Variants in CHST12 observed in about 807,000 individuals in gnomAD.
CHST12 encodes carbohydrate (chondroitin 4) sulfotransferase 12.
In CHST12, 23 loss-of-function variants were observed where a neutral mutation model predicts 27.9. The observed-to-expected ratio is 0.82, with a 90% CI of 0.59 to 1.17. The LOEUF is 1.17. CHST12 is among the 50% of genes most tolerant of loss of function. The probability of loss-of-function intolerance (pLI) is 0.00; values close to 1 mark genes in which losing one functional copy is unlikely to be tolerated. For synonymous variants in CHST12, 322 were observed against 273.0 expected (o/e 1.18, Z -1.77); for missense variants, 682 against 603.0 (o/e 1.13, Z -1.37).
chr7:2,409,144 T>G (rs1261604860), intron 1 of CHST12, among the ~76,000 whole-genome samples: 4 of 152,156 alleles, frequency 2.6e-5, no homozygotes, highest in African/African-American at 9.7e-5. Context: ...ATGATAGTAA[T>G]TTATGTAAAC....
chr7:2,431,111 T>C (rs1562518918), intron 1 of CHST12, among the ~76,000 whole-genome samples: 1 of 152,248 alleles, frequency 6.6e-6, no homozygotes, highest in African/African-American at 2.4e-5. Context: ...GCCATAATTG[T>C]GGATTTGTCT....
At position 2,445,332 on chromosome 7, in the gene CHST12, GAA is replaced by G. The variant is rs1242919922; in HGVS notation, c.*11453_*11454del. 4 of 152,282 alleles carry G rather than the reference GAA, an allele frequency of 2.6e-5. No homozygotes were observed. Among genetic ancestry groups the G allele is most frequent in the Non-Finnish European group, 5.9e-5 (4 of 68,116 alleles). The allele number at this position is 152,282 out of a possible 1,614,324, so 9.4% of individuals were successfully genotyped here. A position where few individuals can be genotyped will look rare whatever the true frequency, so the allele number is the denominator to read the frequency against. Reference sequence around the variant, plus strand: ...TCTGGGTGGATGTTTTGCATCTTCAGAAAAAAGCTCCTGTGGGATATTTCTCC... The same window carrying G: ...TCTGGGTGGATGTTTTGCATCTTCAGAAAAGCTCCTGTGGGATATTTCTCC... On this transcript the variant is annotated 3_prime_UTR_variant, in exon 2 of 2. Transcript: ENST00000618655.
At chr7:2,407,114 G>A (rs1315594144) in intron 1 of CHST12, among the ~76,000 whole-genome samples, 1 of 152,086 alleles carries the variant, frequency 6.6e-6, no homozygotes, top group Non-Finnish European at 1.5e-5. Flanking sequence ...CCCTCAGAAA[G>A]TAGAACAGAA....
intron 1 of CHST12, among the ~76,000 whole-genome samples, chr7:2,425,267 G>A (rs570062437): frequency 6.6e-6 from 1 of 151,092 alleles, no homozygotes; most frequent in African/African-American, 2.4e-5. Context: ...GCCCAGTGAG[G>A]ACCGCGCTTA....
intron 1 of CHST12, among the ~76,000 whole-genome samples, chr7:2,421,075 T>C (rs1205253566): frequency 1.3e-5 from 2 of 151,714 alleles, no homozygotes; most frequent in Non-Finnish European, 2.9e-5. Flanking sequence ...TTTTTTTTTT[T>C]GAGACAGAGT....
intron 1 of CHST12, among the ~76,000 whole-genome samples, chr7:2,426,557 G>T (rs1782126055): frequency 6.6e-6 from 1 of 152,070 alleles, no homozygotes; most frequent in Non-Finnish European, 1.5e-5. Context: ...CGGGTAGACA[G>T]ATGTCCTTGC....
rs1782648535 is a variant in CHST12, at chr7:2,442,813, G to C, written c.*8929G>C. 6.5e-6 allele frequency: 1 copy of C among 152,768 alleles called. No individual in the cohort carries two copies. Among genetic ancestry groups the C allele is most frequent in the Non-Finnish European group, 1.5e-5 (1 of 68,466 alleles). 9.5% of individuals were successfully genotyped at this position (152,768 alleles called of 1,614,324 possible). A position where few individuals can be genotyped will look rare whatever the true frequency, so the allele number is the denominator to read the frequency against. On this transcript the variant is annotated 3_prime_UTR_variant, in exon 2 of 2. Coordinates refer to ENST00000618655, the MANE Select transcript of CHST12 (RefSeq NM_018641.5). ...CCCGCCGGAGCCCCGCCTCCCGTCA[G>C]ATCAGCGGCGGCATTAGATTCTCAT...
chr7:2,412,192 T>C (rs1781684785), intron 1 of CHST12, among the ~76,000 whole-genome samples: 1 of 152,238 alleles, frequency 6.6e-6, no homozygotes, highest in Non-Finnish European at 1.5e-5. Context: ...GGATATACTG[T>C]CAGATATAGT....
At position 2,432,631 on chromosome 7, in the gene CHST12, C is replaced by T. The variant is rs1319666883; in HGVS notation, c.-9C>T. On this transcript the variant is annotated 5_prime_UTR_variant, in exon 2 of 2. Coordinates refer to ENST00000618655, the MANE Select transcript of CHST12 (RefSeq NM_018641.5). ...AGGCCCGGAGAGGGCCCAGCCCGCCCGGGGCAGGATGACCAAGGCCCGGCT... is the reference window on the plus strand; with the variant it reads ...AGGCCCGGAGAGGGCCCAGCCCGCCTGGGGCAGGATGACCAAGGCCCGGCT... 10 of 1,600,660 alleles carry T rather than the reference C, an allele frequency of 6.2e-6. No individual in the cohort carries two copies. Among genetic ancestry groups the T allele is most frequent in the South Asian group, 2.2e-5 (2 of 90,108 alleles).
intron 1 of CHST12, among the ~76,000 whole-genome samples, chr7:2,431,943 T>C (rs1782279041): frequency 6.6e-6 from 1 of 151,980 alleles, no homozygotes; most frequent in East Asian, 1.9e-4. Flanking sequence ...TGGGGTTTGA[T>C]GATTTGCTAG....
In CHST12 at chr7:2,434,405, T is replaced by A. The variant is rs1244673428; in HGVS notation, c.*521T>A. ...AAACCGGTCAGTTACAGAAGCAGGA[T>A]TTCTAGGATTTCTAACTCCAGCTGT... On this transcript the variant is annotated 3_prime_UTR_variant, in exon 2 of 2. Transcript: ENST00000618655. The A allele has an allele frequency of 6.0e-6, 1 of 167,674 alleles. No individual in the cohort carries two copies. The highest frequency in any genetic ancestry group is 1.5e-5 in the Non-Finnish European group (1 of 68,826). The allele number at this position is 167,674 out of a possible 1,614,324, so 10.4% of individuals were successfully genotyped here.
intron 1 of CHST12, among the ~76,000 whole-genome samples, chr7:2,411,351 G>T (rs1008006679): frequency 6.6e-6 from 1 of 152,106 alleles, no homozygotes; most frequent in African/African-American, 2.4e-5. Flanking sequence ...TAAAGTGTTG[G>T]GATTACAGGC....
chr7:2,431,938 T>A (rs1338873763), intron 1 of CHST12, among the ~76,000 whole-genome samples: 4 of 150,800 alleles, frequency 2.7e-5, no homozygotes, highest in African/African-American at 9.7e-5. Flanking sequence ...CACTGTGGGG[T>A]TTGATGATTT....
chr7:2,431,762 C>A (rs1782274627), intron 1 of CHST12, among the ~76,000 whole-genome samples: 1 of 152,148 alleles, frequency 6.6e-6, no homozygotes, highest in Admixed American at 6.5e-5. Context: ...CTCAGGGTGG[C>A]CCTGATGAAG....
intron 1 of CHST12, among the ~76,000 whole-genome samples, chr7:2,406,218 G>A (rs531775529): frequency 6.6e-6 from 1 of 152,192 alleles, no homozygotes; most frequent in South Asian, 2.1e-4. Flanking sequence ...CGGGACTGTG[G>A]TTCTCCAGCC....
intron 1 of CHST12, among the ~76,000 whole-genome samples, chr7:2,406,823 G>A (rs1180904312): frequency 6.6e-6 from 1 of 152,082 alleles, no homozygotes; most frequent in Non-Finnish European, 1.5e-5. Flanking sequence ...ATAACCAAGG[G>A]CATCTGAAGA....
intron 1 of CHST12, among the ~76,000 whole-genome samples, chr7:2,413,613 C>T (rs139593800): frequency 2.6e-5 from 4 of 151,992 alleles, no homozygotes; most frequent in East Asian, 1.9e-4. Flanking sequence ...CAGTCTTTTA[C>T]GTCTGGCTCC....
chr7:2,418,295 C>G (rs1420642750), intron 1 of CHST12, among the ~76,000 whole-genome samples: 1 of 152,242 alleles, frequency 6.6e-6, no homozygotes, highest in South Asian at 2.1e-4. Context: ...GCGTTTAAAC[C>G]TAACCTAATA....
chr7:2,425,203 CAA>C (rs144902925), intron 1 of CHST12, among the ~76,000 whole-genome samples: 2,333 of 71,940 alleles, frequency 0.032, 46 homozygotes, highest in African/African-American at 0.096. Flanking sequence ...GACTCCGTCT[CAA>C]AAAAAAAAAA....
Sources: gnomAD v4.1 joint callset for allele counts (sites outside exome capture counted in the v4.1 genomes callset) on GRCh38, gnomAD v4.1.1 for gene constraint, MANE v1.5 for transcripts, NCBI Gene and HGNC (gene_info 2026-07-23, HGNC 2026-07-21) for gene names.